Variants in UHRF2 observed in about 807,000 individuals in gnomAD.
UHRF2 encodes the protein E3 ubiquitin-protein ligase UHRF2.
UHRF2 carries 23 observed loss-of-function variants against 96.8 expected under a neutral mutation model. That is an observed-to-expected ratio of 0.24 (90% CI 0.17 to 0.34). The LOEUF (loss-of-function observed/expected upper bound fraction) is 0.34, where lower values mean the gene tolerates loss of function less well. Among genes scored for constraint, UHRF2 ranks in the 10% least tolerant of loss-of-function variants. The pLI, the probability that UHRF2 is intolerant of heterozygous loss-of-function variation, is 1.00. For missense variants in UHRF2, 685 were observed against 981.5 expected (o/e 0.70, Z 4.04); for synonymous variants, 385 against 332.6 (o/e 1.16, Z -1.72).
chr9:6,461,573 A>G (rs982137666), intron 4 of UHRF2, among the ~76,000 whole-genome samples: 6 of 151,288 alleles, frequency 4.0e-5, no homozygotes, highest in African/African-American at 1.5e-4. Flanking sequence ...GGGTTTCACC[A>G]TGTTGGCCAG....
intron 3 of UHRF2, among the ~76,000 whole-genome samples, chr9:6,450,704 A>G (rs1018254691): frequency 2.0e-5 from 3 of 152,170 alleles, no homozygotes; most frequent in Non-Finnish European, 4.4e-5. Flanking sequence ...TTTTTAACCT[A>G]TCCCAGTTGT....
At chr9:6,428,178 ACTT>A (rs1233013251) in intron 2 of UHRF2, among the ~76,000 whole-genome samples, 4 of 152,180 alleles carry the variant, frequency 2.6e-5, no homozygotes, top group African/African-American at 7.2e-5. Context: ...ATCATTGATA[ACTT>A]CTTATTTCTT....
At chr9:6,418,058 T>G (rs1326646765) in intron 1 of UHRF2, among the ~76,000 whole-genome samples, 1 of 152,202 alleles carries the variant, frequency 6.6e-6, no homozygotes, top group African/African-American at 2.4e-5. Context: ...CTTTAAGCAC[T>G]TTCATTTAAA....
At chr9:6,479,222 A>G (rs1823777266) in intron 6 of UHRF2, among the ~76,000 whole-genome samples, 1 of 152,096 alleles carries the variant, frequency 6.6e-6, no homozygotes, top group Admixed American at 6.6e-5. Context: ...TCTCCTATTC[A>G]TACTTCAGCA....
intron 9 of UHRF2, 95 bp from the exon 10 acceptor site, chr9:6,493,731 A>T: frequency 9.1e-7 from 1 of 1,098,572 alleles, no homozygotes; most frequent in South Asian, 1.7e-5. Flanking sequence ...ATGTCAACTC[A>T]TAACATCCTA....
chr9:6,420,844 T>A, intron 1 of UHRF2, 68 bp from the exon 2 acceptor site: 1 of 1,321,946 alleles, frequency 7.6e-7, no homozygotes, highest in Non-Finnish European at 1.1e-6. Flanking sequence ...CTAGGACATT[T>A]GAGCAACTAA....
At chr9:6,492,100 CG>C (rs1563803739) in intron 9 of UHRF2, among the ~76,000 whole-genome samples, 1 of 151,940 alleles carries the variant, frequency 6.6e-6, no homozygotes, top group Non-Finnish European at 1.5e-5. Flanking sequence ...TTTTTTCCCT[CG>C]TGATAATATA....
chr9:6,426,566 G>A (rs1449041573), intron 2 of UHRF2, among the ~76,000 whole-genome samples: 1 of 152,044 alleles, frequency 6.6e-6, no homozygotes, highest in East Asian at 1.9e-4. Flanking sequence ...ATTTTGACTG[G>A]TGCCTTTATA....
At chr9:6,427,639 C>G (rs563367898) in intron 2 of UHRF2, among the ~76,000 whole-genome samples, 1 of 152,030 alleles carries the variant, frequency 6.6e-6, no homozygotes, top group African/African-American at 2.4e-5. Context: ...GAGCTTAGAC[C>G]GCGCCACTGC....
At chr9:6,492,041 G>C (rs1216615076) in intron 9 of UHRF2, among the ~76,000 whole-genome samples, 1 of 152,076 alleles carries the variant, frequency 6.6e-6, no homozygotes, top group African/African-American at 2.4e-5. Flanking sequence ...CCTTTCCATA[G>C]GAAAAATAGC....
rs1315041780 is a variant in UHRF2, at chr9:6,465,876, C to CTG, written c.863+5087_863+5088dup. On this transcript the variant is annotated intron_variant, in intron 4 of 15. Coordinates refer to ENST00000276893, the MANE Select transcript of UHRF2 (RefSeq NM_152896.3). ...GTACCAAAAAGTACATATGCTTGAA[C>CTG]TGTCTAATTCTAGTTATCAAATTCT... 2.6e-5 allele frequency among the ~76,000 whole-genome samples: 4 copies of CTG among 152,240 alleles called. No individual in the cohort carries two copies. In the East Asian group the frequency reaches 7.7e-4, roughly 29 times the overall value.
intron 3 of UHRF2, among the ~76,000 whole-genome samples, chr9:6,455,680 T>C (rs2130831538): frequency 6.6e-6 from 1 of 152,286 alleles, no homozygotes; most frequent in Admixed American, 6.5e-5. Flanking sequence ...TATCAGGAAG[T>C]TAGGCCTAAA....
chr9:6,459,623 C>G (rs1014441970), intron 3 of UHRF2, among the ~76,000 whole-genome samples: 1 of 152,122 alleles, frequency 6.6e-6, no homozygotes, highest in African/African-American at 2.4e-5. Flanking sequence ...GAGCTGAGAT[C>G]ACACCACTGC....
intron 3 of UHRF2, among the ~76,000 whole-genome samples, chr9:6,445,304 C>T (rs11790625): frequency 0.17 from 26,422 of 151,958 alleles, 2,440 homozygotes; most frequent in East Asian, 0.27. Context: ...TGCTCTGTCT[C>T]CCAGGCTGGA....
intron 8 of UHRF2, among the ~76,000 whole-genome samples, chr9:6,482,786 C>T (rs892105517): frequency 2.0e-5 from 3 of 151,982 alleles, no homozygotes; most frequent in Admixed American, 1.3e-4. Flanking sequence ...GTAGTAGAGA[C>T]GAGGTTTCAC....
chr9:6,417,539 C>T (rs962401335), intron 1 of UHRF2, among the ~76,000 whole-genome samples: 1 of 152,208 alleles, frequency 6.6e-6, no homozygotes, highest in Non-Finnish European at 1.5e-5. Context: ...ATCATCTCAA[C>T]ACTTCACAGC....
At chr9:6,469,346 C>T (rs1350796346) in intron 4 of UHRF2, among the ~76,000 whole-genome samples, 2 of 151,954 alleles carry the variant, frequency 1.3e-5, no homozygotes, top group East Asian at 1.9e-4. Context: ...AGTGAAACCC[C>T]GTCTCTACTG....
intron 3 of UHRF2, 80 bp from the exon 4 acceptor site, chr9:6,460,493 A>G: frequency 8.2e-7 from 1 of 1,226,876 alleles, no homozygotes; most frequent in South Asian, 1.5e-5. Flanking sequence ...TTAACTCAGC[A>G]AATTAGGTTT....
intron 3 of UHRF2, among the ~76,000 whole-genome samples, chr9:6,453,497 A>G (rs973484922): frequency 1.6e-4 from 25 of 152,266 alleles, no homozygotes; most frequent in African/African-American, 5.8e-4. Context: ...TGAATTTACA[A>G]CTGTGGAATT....
Sources: gnomAD v4.1 joint callset for allele counts (sites outside exome capture counted in the v4.1 genomes callset) on GRCh38, gnomAD v4.1.1 for gene constraint, MANE v1.5 for transcripts, NCBI Gene and HGNC (gene_info 2026-07-23, HGNC 2026-07-21) for gene names.